LSM14B: variants seen among roughly 807,000 people sequenced by gnomAD.
The protein encoded by LSM14B is protein LSM14 homolog B.
LSM14B carries 8 observed loss-of-function variants against 42.1 expected under a neutral mutation model. That is an observed-to-expected ratio of 0.19 (90% CI 0.11 to 0.34). The LOEUF is 0.34. Ranked by LOEUF, LSM14B falls within the 10% of genes least tolerant of loss-of-function variation. The pLI, the probability that LSM14B is intolerant of heterozygous loss-of-function variation, is 1.00. For synonymous variants in LSM14B, 219 were observed against 209.7 expected (o/e 1.04, Z -0.38); for missense variants, 396 against 513.1 (o/e 0.77, Z 2.21).
At chr20:62,131,731 T>C (rs2056771817) in intron 7 of LSM14B, among the ~76,000 whole-genome samples, 1 of 152,180 alleles carries the variant, frequency 6.6e-6, no homozygotes, top group Non-Finnish European at 1.5e-5. Context: ...GCCTGTTTCC[T>C]CTTGGCTTTG....
intron 3 of LSM14B, among the ~76,000 whole-genome samples, chr20:62,127,144 C>T (rs1600926687): frequency 1.3e-5 from 2 of 152,328 alleles, no homozygotes; most frequent in South Asian, 4.1e-4. Flanking sequence ...CATCATGTCC[C>T]TTATTCTACT....
At chr20:62,131,774 G>GC (rs368703896) in intron 7 of LSM14B, among the ~76,000 whole-genome samples, 86 of 152,136 alleles carry the variant, frequency 5.7e-4, no homozygotes, top group African/African-American at 1.4e-3. Flanking sequence ...GGGCTGCACC[G>GC]CCCCCCCCGG....
intron 2 of LSM14B, 102 bp downstream of exon 2, chr20:62,124,882 C>CA: frequency 1.1e-6 from 1 of 897,634 alleles, no homozygotes; most frequent in Non-Finnish European, 1.5e-6. Context: ...GAGGAATAAC[C>CA]TTTTTTTTTT....
chr20:62,127,682 ACAG>A (rs1390015432), intron 3 of LSM14B: 3 of 1,550,682 alleles, frequency 1.9e-6, no homozygotes, highest in Non-Finnish European at 1.7e-6. Context: ...CCTCAGAGCC[ACAG>A]CAGCTCACTG....
chr20:62,122,881 G>C lies in LSM14B; in HGVS notation c.127+88G>C. 1.7e-6 allele frequency: 2 copies of C among 1,182,436 alleles called. No homozygotes were observed. Among genetic ancestry groups the C allele is most frequent in the Non-Finnish European group, 2.1e-6 (2 of 935,502 alleles). The allele number at this position is 1,182,436 out of a possible 1,614,324, so 73.2% of individuals were successfully genotyped here. ...GCCCTCCCCGCCCCGGGGCGCCCCG[G>C]AGCCTGGCGCCCAGACCCCGCCCAG... On this transcript the variant is annotated intron_variant, in intron 1 of 8. Coordinates refer to ENST00000279068, the MANE Select transcript of LSM14B (RefSeq NM_144703.3). The surrounding 1 kb of genome is among the most constrained non-coding windows in gnomAD (Gnocchi z 4.6).
In LSM14B at chr20:62,130,289, G is replaced by T; in HGVS notation, c.666G>T (p.Arg222Ser). ...ACGAGAACAGAAGACCTCAGAGGAG[G>T]CGATCAGGTAACACCTGTTGCCACT... Reference protein sequence around the residue: ...VNDENRRPQRRRSGNRRTRNR... With the variant: ...VNDENRRPQRSRSGNRRTRNR... The change falls in exon 5 of 9, where the codon AGG becomes AGT. Residue 222 changes from arginine (R) to serine (S), a missense_variant. Around this residue, in one of 3 missense-constraint regions of LSM14B, gnomAD observed 274 missense variants for 335.8 expected, o/e 0.82. Coordinates refer to ENST00000279068, the MANE Select transcript of LSM14B (RefSeq NM_144703.3). This position sits in a 1 kb window ranked among gnomAD's most constrained non-coding sequence, Gnocchi z 4.1. 6.3e-7 allele frequency: 1 copy of T among 1,594,782 alleles called. No homozygotes were observed. The highest frequency in any genetic ancestry group is 8.5e-7 in the Non-Finnish European group (1 of 1,170,582).
At chr20:62,132,201 G>A (rs1335286415) in intron 7 of LSM14B, among the ~76,000 whole-genome samples, 1 of 152,250 alleles carries the variant, frequency 6.6e-6, no homozygotes, top group Non-Finnish European at 1.5e-5. Context: ...GATGGGATGG[G>A]GCTGTAACTC....
chr20:62,128,923 A>G, intron 3 of LSM14B: 1 of 1,299,614 alleles, frequency 7.7e-7, no homozygotes, highest in Non-Finnish European at 1.0e-6. Context: ...CCCTGTGGTT[A>G]GGGTGCCTTT....
Position 62,126,385 on chromosome 20 carries a change from C to T in LSM14B, c.373C>T (p.Pro125Ser), listed in dbSNP as rs1321746387. The T allele has an allele frequency of 2.8e-5, 45 of 1,612,238 alleles. No individual in the cohort carries two copies. Among genetic ancestry groups the T allele is most frequent in the Non-Finnish European group, 3.8e-5 (45 of 1,179,852 alleles). Residue 125 changes from proline to serine, a missense_variant, in exon 3 of 9, where the codon CCG becomes TCG. By Grantham distance (74) the Pro-to-Ser change is moderately conservative. Around this residue, in one of 3 missense-constraint regions of LSM14B, gnomAD observed 274 missense variants for 335.8 expected, o/e 0.82. Coordinates refer to ENST00000279068, the MANE Select transcript of LSM14B (RefSeq NM_144703.3). ...SPFRGMAPYG[P>S]LAASSLLSQQ... is the part of the protein sequence containing the mutation. ...TTTCCGAGGGATGGCGCCCTACGGCCCGCTGGCGGCCAGCTCCCTGCTCAG... is the reference window on the plus strand; with the variant it reads ...TTTCCGAGGGATGGCGCCCTACGGCTCGCTGGCGGCCAGCTCCCTGCTCAG...
Position 62,130,497 on chromosome 20 carries a change from T to C in LSM14B, c.674-33T>C, listed in dbSNP as rs759268423. The C allele has an allele frequency of 3.1e-6, 5 of 1,608,090 alleles. No homozygotes were observed. The highest frequency in any genetic ancestry group is 4.3e-6 in the Non-Finnish European group (5 of 1,176,330). ...GTTTGAGATCACTGGGTTGGTGACC[T>C]ACTTCAGCCAGGGCTGTCCTTTGTC... is the stretch of plus-strand genomic sequence containing the variant. On this transcript the variant is annotated intron_variant, in intron 5 of 8. Transcript: ENST00000279068. The surrounding 1 kb of genome is among the most constrained non-coding windows in gnomAD (Gnocchi z 4.1).
chr20:62,131,038 G>A (rs562785753), intron 6 of LSM14B, among the ~76,000 whole-genome samples: 5 of 152,294 alleles, frequency 3.3e-5, no homozygotes, highest in African/African-American at 1.2e-4. Context: ...GATAGAGCAA[G>A]ACTCTGTCTC....
intron 1 of LSM14B, among the ~76,000 whole-genome samples, chr20:62,124,399 A>G (rs1450491417): frequency 6.6e-6 from 1 of 152,244 alleles, no homozygotes. Context: ...TTTGTGATCT[A>G]GAGCTGTCTG....
At position 62,129,865 on chromosome 20, in the gene LSM14B, A is replaced by G. The variant is rs34076553; in HGVS notation, c.508A>G (p.Asn170Asp). Residue 170 changes from asparagine (N) to aspartate (D), a missense_variant, in exon 4 of 9, where the codon AAT (asparagine) becomes GAT (aspartate). Physicochemically the swap from Asn to Asp is conservative, Grantham distance 23. Transcript: ENST00000279068. ...GCAGACTGGTTCTGCTGACAACCTG[A>G]ATGCTAAAAAGCTGTTACCTGGCAA... is the stretch of plus-strand genomic sequence containing the variant. ...AVQTGSADNLNAKKLLPGKGT... is the reference protein window; with the variant it reads ...AVQTGSADNLDAKKLLPGKGT... 1.9e-6 allele frequency: 3 copies of G among 1,612,804 alleles called. No homozygotes were observed. In the African/African-American group the frequency reaches 4.0e-5, roughly 22 times the overall value.
At chr20:62,129,670 C>A in intron 3 of LSM14B, 115 bp from the exon 4 acceptor site, 1 of 1,142,194 alleles carries the variant, frequency 8.8e-7, no homozygotes, top group Non-Finnish European at 1.2e-6. Context: ...GATAGAACAT[C>A]TAGGCAGTTG....
At chr20:62,127,311 C>G (rs1189891720) in intron 3 of LSM14B, among the ~76,000 whole-genome samples, 4 of 152,184 alleles carry the variant, frequency 2.6e-5, no homozygotes, top group African/African-American at 9.7e-5. Context: ...GATCCACGAC[C>G]CTTGCTCAGA....
intron 3 of LSM14B, chr20:62,128,983 T>A (rs201878017): frequency 2.3e-6 from 3 of 1,304,256 alleles, no homozygotes; most frequent in Non-Finnish European, 3.0e-6. Context: ...TTGTCCTGTT[T>A]AGAGTCCCTA....
At chr20:62,123,247 C>CG (rs1182895796) in intron 1 of LSM14B, 1 of 152,596 alleles carries the variant, frequency 6.6e-6, no homozygotes, top group African/African-American at 2.4e-5. Flanking sequence ...GCCAGTGTCC[C>CG]GGCGTCTCCC....
chr20:62,126,182 G>C, intron 2 of LSM14B, 122 bp from the exon 3 acceptor site: 1 of 1,459,646 alleles, frequency 6.9e-7, no homozygotes, highest in African/African-American at 1.4e-5. Context: ...GGCTCCTCCA[G>C]CATCTCAAGG....
At position 62,129,835 on chromosome 20, in the gene LSM14B, G is replaced by T; in HGVS notation, c.478G>T (p.Ala160Ser). ...CGGCAAGAGCCCCATGGTGGAGCAG[G>T]CTGTGCAGACTGGTTCTGCTGACAA... Reference protein sequence around the residue: ...PVGKSPMVEQAVQTGSADNLN... With the variant: ...PVGKSPMVEQSVQTGSADNLN... Residue 160 changes from alanine to serine, a missense_variant, in exon 4 of 9, where the codon GCT (alanine) becomes TCT (serine). This residue lies in a region of LSM14B where 274 missense variants were observed against 335.8 expected (regional missense o/e 0.82). Transcript: ENST00000279068. 1 of 1,611,990 alleles carries T rather than the reference G, an allele frequency of 6.2e-7. No homozygotes were observed. Among genetic ancestry groups the T allele is most frequent in the South Asian group, 1.1e-5 (1 of 90,606 alleles).
Sources: allele counts gnomAD v4.1 joint callset (sites outside exome capture counted in the v4.1 genomes callset), GRCh38; gene constraint gnomAD v4.1.1; regional missense constraint gnomAD v4.1.1; non-coding constraint Gnocchi (gnomAD v3.1); transcripts MANE v1.5; gene names NCBI Gene and HGNC (gene_info 2026-07-23, HGNC 2026-07-21).